Variants in PDXDC1 observed in about 807,000 individuals in gnomAD.
PDXDC1 encodes the protein pyridoxal dependent decarboxylase domain containing 1.
In PDXDC1, 42 loss-of-function variants were observed where a neutral mutation model predicts 100.1. The observed-to-expected ratio is 0.42, with a 90% confidence interval of 0.33 to 0.54. The LOEUF (loss-of-function observed/expected upper bound fraction) is 0.54. PDXDC1 is among the 20% of genes least tolerant of loss of function. The pLI, the probability that PDXDC1 is intolerant of heterozygous loss-of-function variation, is 0.10. For synonymous variants in PDXDC1, 260 were observed against 371.7 expected (o/e 0.70, Z 3.46); for missense variants, 636 against 979.2 (o/e 0.65, Z 4.68).
Position 15,094,312 on chromosome 16 carries a change from G to C in PDXDC1, c.1400-44567G>C, listed in dbSNP as rs1010535903. On this transcript the variant is annotated intron_variant, in intron 16 of 16. Coordinates refer to the PDXDC1 transcript ENST00000535621. ...AGCCACAGCCTCTGTCCCGGAAGTT[G>C]CGCGTGCCAGCGCAACCTTCAGCCA... 3.9e-6 allele frequency: 5 copies of C among 1,269,562 alleles called. No individual in the cohort carries two copies. In the African/African-American group the frequency reaches 7.5e-5, roughly 19 times the overall value. The allele number at this position is 1,269,562 out of a possible 1,614,324, so 78.6% of individuals were successfully genotyped here. A position where few individuals can be genotyped will look rare whatever the true frequency, so the allele number is the denominator to read the frequency against.
At chr16:15,056,680 C>T (rs1225200169) in intron 16 of PDXDC1, among the ~76,000 whole-genome samples, 1 of 152,248 alleles carries the variant, frequency 6.6e-6, no homozygotes, top group East Asian at 1.9e-4. Context: ...GTGATCCCAG[C>T]CACTCTGTAG....
intron 1 of PDXDC1, among the ~76,000 whole-genome samples, chr16:14,983,481 G>A (rs1439197222): frequency 1.3e-5 from 2 of 150,100 alleles, no homozygotes; most frequent in Non-Finnish European, 2.9e-5. Flanking sequence ...GCTGAGGCAG[G>A]AGAATCGCTT....
intron 16 of PDXDC1, chr16:15,130,388 C>G (rs780295384): frequency 2.5e-6 from 4 of 1,579,146 alleles, no homozygotes; most frequent in South Asian, 2.3e-5. Context: ...CCACGGACAC[C>G]TCCAGCGCCG....
At position 15,001,869 on chromosome 16, in the gene PDXDC1, G is replaced by C. The variant is rs756354050; in HGVS notation, c.242+13G>C. On this transcript the variant is annotated intron_variant, in intron 4 of 22. Coordinates refer to ENST00000396410, the MANE Select transcript of PDXDC1 (RefSeq NM_015027.4). ...CCCAGAGCCCCAGGTAATGAACCTGGCAGCTTCTCTTTTCAAGTGTATGTG... is the reference window on the plus strand; with the variant it reads ...CCCAGAGCCCCAGGTAATGAACCTGCCAGCTTCTCTTTTCAAGTGTATGTG... 1 of 1,594,754 alleles carries C rather than the reference G, an allele frequency of 6.3e-7. No individual in the cohort carries two copies. The highest frequency in any genetic ancestry group is 1.1e-5 in the South Asian group (1 of 88,270).
chr16:15,092,473 A>C, intron 16 of PDXDC1: 3 of 1,388,806 alleles, frequency 2.2e-6, no homozygotes, highest in African/African-American at 1.4e-5. Context: ...ATTCTGACCT[A>C]ACCAAAAGCA....
downstream of PDXDC1, chr16:15,040,146 A>G: frequency 1.3e-6 from 1 of 741,156 alleles, no homozygotes; most frequent in Admixed American, 2.2e-5. Context: ...TTCTACCACC[A>G]CTCCTAAGAG....
At chr16:15,027,878 G>T (rs1449510849) in intron 14 of PDXDC1, among the ~76,000 whole-genome samples, 1 of 152,290 alleles carries the variant, frequency 6.6e-6, no homozygotes, top group Non-Finnish European at 1.5e-5. Flanking sequence ...TTTGGGGGAA[G>T]GCAGGAGTGC....
At chr16:15,145,195 A>C in the PDXDC1 span, among the ~76,000 whole-genome samples, 2 of 152,200 alleles carry the variant, frequency 1.3e-5, no homozygotes, top group South Asian at 4.1e-4. Flanking sequence ...GGGGCCAAGC[A>C]AACTGGCCAT....
intron 7 of PDXDC1, 86 bp from the exon 8 acceptor site, chr16:15,009,595 A>T (rs1436445553): frequency 2.5e-6 from 4 of 1,572,940 alleles, no homozygotes; most frequent in Non-Finnish European, 8.6e-7. Flanking sequence ...TTTGAGAGTT[A>T]TCTGCTTCTT....
At chr16:15,087,279 C>A (rs918773178) in intron 16 of PDXDC1, among the ~76,000 whole-genome samples, 31 of 152,138 alleles carry the variant, frequency 2.0e-4, no homozygotes, top group African/African-American at 7.5e-4. Context: ...AGGCATGGTG[C>A]CTGACACTCC....
chr16:15,126,649 T>C, intron 16 of PDXDC1: 1 of 141,714 alleles, frequency 7.1e-6, no homozygotes, highest in African/African-American at 2.6e-5. Flanking sequence ...AGCTTTTCTT[T>C]GTGGGATTTT....
At chr16:15,127,409 G>C in intron 16 of PDXDC1, 1 of 1,381,402 alleles carries the variant, frequency 7.2e-7, no homozygotes, top group Non-Finnish European at 9.9e-7. Flanking sequence ...GGCGGCTCTG[G>C]GCATGGTGCC....
chr16:15,036,384 C>T lies in PDXDC1; in HGVS notation c.*109C>T. ...CTAATATAAATTACTGTTGTTTGTG[C>T]TTCACTGGGATTTTGGCACAAATAT... On this transcript the variant is annotated 3_prime_UTR_variant, in exon 23 of 23. Transcript: ENST00000396410. The T allele has an allele frequency of 8.8e-7, 1 of 1,136,440 alleles. No homozygotes were observed. The highest frequency in any genetic ancestry group is 1.3e-6 in the Non-Finnish European group (1 of 793,558). The allele number at this position is 1,136,440 out of a possible 1,614,324, so 70.4% of individuals were successfully genotyped here.
chr16:15,004,446 G>T (rs1973845726), intron 5 of PDXDC1, 113 bp downstream of exon 5: 5 of 1,221,102 alleles, frequency 4.1e-6, no homozygotes, highest in East Asian at 2.4e-5. Flanking sequence ...CTTGAAAGGG[G>T]TGTTTAACCT....
intron 19 of PDXDC1, chr16:15,033,989 G>A (rs1402820306): frequency 3.9e-6 from 2 of 510,750 alleles, no homozygotes; most frequent in Non-Finnish European, 7.0e-6. Flanking sequence ...CGGCCGAGAA[G>A]CCAGCTTCAT....
Position 15,104,476 on chromosome 16 carries a change from G to A in PDXDC1, c.1400-34403G>A, listed in dbSNP as rs1433613763. On this transcript the variant is annotated intron_variant, in intron 16 of 16. Coordinates refer to the PDXDC1 transcript ENST00000535621. ...GAAGGGGAGTGAGCAGACACACTCG[G>A]GAGGTGTCTTGAGATTATCATCCGC... The A allele has an allele frequency of 5.7e-6, 4 of 705,550 alleles. No individual in the cohort carries two copies. In the African/African-American group the frequency reaches 1.2e-4, roughly 21 times the overall value. 43.7% of individuals were successfully genotyped at this position (705,550 alleles called of 1,614,324 possible).
At chr16:15,003,128 T>C (rs1973511611) in intron 4 of PDXDC1, among the ~76,000 whole-genome samples, 1 of 152,072 alleles carries the variant, frequency 6.6e-6, no homozygotes, top group Admixed American at 6.5e-5. Flanking sequence ...ATTTTAATTA[T>C]ATATAAAATA....
At chr16:15,099,914 A>G (rs1172962821) in intron 16 of PDXDC1, among the ~76,000 whole-genome samples, 1 of 152,204 alleles carries the variant, frequency 6.6e-6, no homozygotes, top group East Asian at 1.9e-4. Flanking sequence ...CTGTTGGCCA[A>G]AGCCTCTTAG....
chr16:15,033,123 C>T, intron 18 of PDXDC1, 144 bp downstream of exon 18: 1 of 990,482 alleles, frequency 1.0e-6, no homozygotes. Context: ...CCTCCCTCCC[C>T]TTCTGCAGCC....
Sources: allele counts gnomAD v4.1 joint callset (sites outside exome capture counted in the v4.1 genomes callset), GRCh38; gene constraint gnomAD v4.1.1; transcripts MANE v1.5; gene names NCBI Gene and HGNC (gene_info 2026-07-23, HGNC 2026-07-21).